DLG2: variants seen among roughly 807,000 people sequenced by gnomAD.
The protein encoded by DLG2 is discs large MAGUK scaffold protein 2, also known as disks large homolog 2.
A neutral mutation model predicts 132.5 loss-of-function variants in DLG2; 45 were observed. That is an observed-to-expected ratio of 0.34 (90% CI 0.27 to 0.44). The LOEUF is 0.44. Among genes scored for constraint, DLG2 ranks in the 20% least tolerant of loss-of-function variants. The pLI, the probability that DLG2 is intolerant of heterozygous loss-of-function variation, is 1.00. For missense variants in DLG2, 1,045 were observed against 1,196.9 expected (o/e 0.87, Z 1.87); for synonymous variants, 424 against 419.6 (o/e 1.01, Z -0.13).
chr11:83,919,141 A>G (rs2077425098), intron 15 of DLG2, among the ~76,000 whole-genome samples: 1 of 152,300 alleles, frequency 6.6e-6, no homozygotes, highest in African/African-American at 2.4e-5. Flanking sequence ...CAGGCCCTAT[A>G]AGGAGGGAAA....
intron 2 of DLG2, among the ~76,000 whole-genome samples, chr11:85,607,424 C>T (rs1321661172): frequency 6.6e-6 from 1 of 152,216 alleles, no homozygotes; most frequent in African/African-American, 2.4e-5. Flanking sequence ...AAAGTCATGT[C>T]GCCCAAGCAA....
Position 83,840,099 on chromosome 11 carries a change from G to A in DLG2, c.1566-6329C>T, listed in dbSNP as rs769744955. ...TTGACATGTTGCTTCATACCTCTAC[G>A]TTTTGGCTCAGGCCACCTTAAAACT... is the stretch of plus-strand genomic sequence containing the variant. On this transcript the variant is annotated intron_variant, in intron 16 of 27. Coordinates refer to ENST00000376104, the MANE Select transcript of DLG2 (RefSeq NM_001142699.3). Among the ~76,000 whole-genome samples, 7 of 152,204 alleles carry A rather than the reference G, an allele frequency of 4.6e-5. No individual in the cohort carries two copies. The South Asian group carries it at 8.3e-4, about 18-fold the overall frequency.
chr11:84,839,554 G>C (rs965628749), intron 6 of DLG2, among the ~76,000 whole-genome samples: 4 of 152,064 alleles, frequency 2.6e-5, no homozygotes, highest in African/African-American at 9.7e-5. Flanking sequence ...TAAGCAAAAA[G>C]AACAAAGCTG....
At chr11:84,194,959 G>A (rs1021712207) in intron 8 of DLG2, among the ~76,000 whole-genome samples, 2 of 152,102 alleles carry the variant, frequency 1.3e-5, no homozygotes, top group African/African-American at 4.8e-5. Context: ...GTTCTCACTC[G>A]CACCTCTCCC....
At chr11:84,987,452 C>T (rs960719844) in intron 6 of DLG2, among the ~76,000 whole-genome samples, 2 of 152,034 alleles carry the variant, frequency 1.3e-5, no homozygotes, top group Admixed American at 1.3e-4. Context: ...AAAGAGCCTG[C>T]ATAGCCAAAG....
intron 21 of DLG2, among the ~76,000 whole-genome samples, chr11:83,488,007 G>C (rs892382256): frequency 1.3e-5 from 2 of 151,846 alleles, no homozygotes; most frequent in Non-Finnish European, 1.5e-5. Flanking sequence ...AGTGATGGTG[G>C]CATAACTCTA....
At chr11:84,045,849 G>C (rs954482218) in intron 11 of DLG2, among the ~76,000 whole-genome samples, 1 of 151,656 alleles carries the variant, frequency 6.6e-6, no homozygotes, top group African/African-American at 2.4e-5. Flanking sequence ...GTCCTGAAAG[G>C]AGACTTGACA....
chr11:84,224,498 G>A, intron 8 of DLG2, among the ~76,000 whole-genome samples: 1 of 152,182 alleles, frequency 6.6e-6, no homozygotes, highest in African/African-American at 2.4e-5. Context: ...ATTGGCTGGG[G>A]AAAATCATGA....
At chr11:84,037,311 A>G (rs1465242270) in intron 11 of DLG2, among the ~76,000 whole-genome samples, 1 of 152,140 alleles carries the variant, frequency 6.6e-6, no homozygotes, top group Non-Finnish European at 1.5e-5. Context: ...CACTGCTTCA[A>G]TTCATCAGAA....
At chr11:85,257,588 G>A (rs1038841148) in intron 4 of DLG2, among the ~76,000 whole-genome samples, 1 of 152,138 alleles carries the variant, frequency 6.6e-6, no homozygotes, top group Non-Finnish European at 1.5e-5. Context: ...TTTGATAAAG[G>A]TAAAGATGAG....
intron 19 of DLG2, among the ~76,000 whole-genome samples, chr11:83,572,054 T>G (rs1488996678): frequency 6.6e-6 from 1 of 152,066 alleles, no homozygotes; most frequent in Non-Finnish European, 1.5e-5. Flanking sequence ...GAATAATGTT[T>G]CCTTTGCAGT....
At chr11:83,492,943 C>T (rs1457795054) in intron 21 of DLG2, among the ~76,000 whole-genome samples, 2 of 152,070 alleles carry the variant, frequency 1.3e-5, no homozygotes, top group African/African-American at 2.4e-5. Context: ...CAGATCATGT[C>T]ATTCTGCTCG....
intron 2 of DLG2, among the ~76,000 whole-genome samples, chr11:85,616,508 G>T (rs961279919): frequency 1.2e-4 from 19 of 152,048 alleles, no homozygotes; most frequent in Non-Finnish European, 2.9e-5. Flanking sequence ...GCGACAACTG[G>T]TTCCCTACTT....
intron 6 of DLG2, among the ~76,000 whole-genome samples, chr11:84,914,281 T>C (rs943290703): frequency 1.3e-5 from 2 of 152,146 alleles, no homozygotes; most frequent in African/African-American, 4.8e-5. Flanking sequence ...TTGAGAAATA[T>C]TTAAGGCCAG....
intron 7 of DLG2, among the ~76,000 whole-genome samples, chr11:84,395,373 C>T (rs911672301): frequency 5.9e-5 from 9 of 152,050 alleles, no homozygotes; most frequent in African/African-American, 1.2e-4. Flanking sequence ...TAGTGCGACA[C>T]CAACCCTCTG....
intron 3 of DLG2, among the ~76,000 whole-genome samples, chr11:85,314,693 T>C (rs2080534849): frequency 6.6e-6 from 1 of 151,968 alleles, no homozygotes; most frequent in African/African-American, 2.4e-5. Flanking sequence ...CAAAGCAATG[T>C]AGTATAATGC....
rs148801918 is a variant in DLG2, at chr11:83,469,372, A to G, written c.2448T>C (p.His816=). 1.6e-4 allele frequency: 256 copies of G among 1,605,202 alleles called. 2 individuals carry two copies. The African/African-American group carries it at 3.2e-3, about 20-fold the overall frequency. ...CGTAGTCTCGCTTTGGCCTCGTAGT[A>G]TCTTTATAAAACAAAAAATGATAAA... ...FPDKFGSCVP[H]TTRPKRDYEV... Residue 816 remains histidine, a splice_region_variant and synonymous_variant, in exon 25 of 28, where the codon CAT becomes CAC. Transcript: ENST00000376104.
At chr11:83,977,692 T>C (rs2092396284) in intron 12 of DLG2, among the ~76,000 whole-genome samples, 1 of 152,102 alleles carries the variant, frequency 6.6e-6, no homozygotes, top group Non-Finnish European at 1.5e-5. Flanking sequence ...TTTCTAGTTC[T>C]TAACAGACTA....
At chr11:84,728,034 T>C (rs2153807851) in intron 6 of DLG2, among the ~76,000 whole-genome samples, 1 of 151,848 alleles carries the variant, frequency 6.6e-6, no homozygotes, top group East Asian at 1.9e-4. Flanking sequence ...TCATGTAATC[T>C]GCAGACACAA....
Sources: allele counts gnomAD v4.1 joint callset (sites outside exome capture counted in the v4.1 genomes callset), GRCh38; gene constraint gnomAD v4.1.1; transcripts MANE v1.5; gene names NCBI Gene and HGNC (gene_info 2026-07-23, HGNC 2026-07-21).